EFHC2: variants seen among roughly 807,000 people sequenced by gnomAD.
EFHC2 encodes EF-hand domain containing 2.
Under a neutral mutation model 52.7 loss-of-function variants are expected in EFHC2, and 18 were observed. That is an observed-to-expected ratio of 0.34 (90% CI 0.24 to 0.51). EFHC2 has a LOEUF of 0.51. Among genes scored for constraint, EFHC2 ranks in the 20% least tolerant of loss-of-function variants. The probability of loss-of-function intolerance (pLI) is 0.97; values close to 1 mark genes in which losing one functional copy is unlikely to be tolerated. For missense variants in EFHC2, 513 were observed against 562.5 expected, an observed-to-expected ratio of 0.91 and a Z score of 0.89; for synonymous variants, 203 against 204.1, an observed-to-expected ratio of 0.99 and a Z score of 0.04.
At chrX:44,339,642 T>C (rs777258879) in intron 1 of EFHC2, among the ~76,000 whole-genome samples, 4 of 110,856 alleles carry the variant, frequency 3.6e-5, no homozygotes, top group Admixed American at 1.9e-4. Context: ...TTTTCAATTC[T>C]ATGGAAAAGC....
chrX:44,172,968 C>G (rs867281574), intron 13 of EFHC2, among the ~76,000 whole-genome samples: 2 of 111,101 alleles, frequency 1.8e-5, no homozygotes, highest in Non-Finnish European at 3.8e-5. Context: ...GCTGAGGTAA[C>G]CAGGTACAAA....
chrX:44,187,251 C>A (rs886197763), intron 11 of EFHC2, among the ~76,000 whole-genome samples: 140 of 106,459 alleles, frequency 1.3e-3, no homozygotes, highest in African/African-American at 4.6e-3. Context: ...ACCATACACA[C>A]CCCTGCCACC....
chrX:44,329,024 G>A (rs1388466381), intron 1 of EFHC2, among the ~76,000 whole-genome samples: 1 of 111,223 alleles, frequency 9.0e-6, no homozygotes, highest in African/African-American at 3.3e-5. Flanking sequence ...TGTGCATTTT[G>A]TCCAATTCTT....
rs1482490753 is a variant in EFHC2 at position 44,311,682 on chromosome X, A to G, written c.231+886T>C. 2.7e-5 allele frequency among the ~76,000 whole-genome samples: 3 copies of G among 112,163 alleles called. No homozygotes were observed. In the East Asian group the frequency reaches 8.4e-4, roughly 31 times the overall value. On this transcript the variant is annotated intron_variant, in intron 2 of 14. Transcript: ENST00000420999. Reference sequence around the variant, plus strand: ...CATATGTATATGTGTGTGTATGTGTATAGACATATACATTAAAAAATTCCA... The same window carrying G: ...CATATGTATATGTGTGTGTATGTGTGTAGACATATACATTAAAAAATTCCA...
chrX:44,185,749 G>GC (rs1237187386), intron 11 of EFHC2, among the ~76,000 whole-genome samples: 2 of 110,826 alleles, frequency 1.8e-5, no homozygotes, highest in Admixed American at 9.7e-5. Context: ...TGTTGCCCAG[G>GC]TTGGTCTCCT....
chrX:44,242,520 A>G (rs941958161), intron 7 of EFHC2, among the ~76,000 whole-genome samples: 9 of 110,592 alleles, frequency 8.1e-5, no homozygotes, highest in Middle Eastern at 4.7e-3. Context: ...AAAAAAAAAA[A>G]GAATCTATGT....
At chrX:44,251,190 G>A (rs1256987361) in intron 4 of EFHC2, among the ~76,000 whole-genome samples, 5 of 84,761 alleles carry the variant, frequency 5.9e-5, no homozygotes, top group African/African-American at 2.4e-4. Context: ...AGTGAGCAGA[G>A]ATCGCGCCAC....
chrX:44,308,809 T>C (rs1407475234), intron 2 of EFHC2, among the ~76,000 whole-genome samples: 1 of 112,911 alleles, frequency 8.9e-6, no homozygotes, highest in East Asian at 2.8e-4. Context: ...TTTAGTCACT[T>C]AGTGAATTGT....
chrX:44,149,283 G>A (rs1338142068), intron 14 of EFHC2, among the ~76,000 whole-genome samples: 1 of 111,828 alleles, frequency 8.9e-6, no homozygotes, highest in Non-Finnish European at 1.9e-5. Context: ...AAAAGAACAT[G>A]GCCCAGGATG....
intron 14 of EFHC2, among the ~76,000 whole-genome samples, chrX:44,151,967 G>A (rs1218278556): frequency 2.7e-5 from 3 of 111,584 alleles, no homozygotes; most frequent in Admixed American, 9.5e-5. Context: ...ACTGAAATAT[G>A]AGTCATATAT....
At chrX:44,248,233 AT>A in intron 7 of EFHC2, 38 bp downstream of exon 7, 1 of 1,077,747 alleles carries the variant, frequency 9.3e-7, no homozygotes, top group South Asian at 2.2e-5. Flanking sequence ...AAACAATTTA[AT>A]TTTAAAAATA....
intron 14 of EFHC2, 103 bp from the exon 15 acceptor site, chrX:44,148,999 A>G: frequency 1.5e-6 from 1 of 679,941 alleles, no homozygotes; most frequent in African/African-American, 2.2e-5. Flanking sequence ...TCTACCATCT[A>G]CTTTAGGTTC....
At chrX:44,222,634 T>C (rs980940270) in intron 11 of EFHC2, among the ~76,000 whole-genome samples, 9 of 111,668 alleles carry the variant, frequency 8.1e-5, no homozygotes, top group African/African-American at 2.9e-4. Context: ...AGGTGCTTTG[T>C]CCCTGTTGTC....
chrX:44,183,968 T>C (rs2036854451), intron 11 of EFHC2, among the ~76,000 whole-genome samples: 1 of 112,508 alleles, frequency 8.9e-6, no homozygotes, highest in African/African-American at 3.2e-5. Flanking sequence ...TGTGGTAAAC[T>C]ACTCAACTTC....
At chrX:44,182,667 A>G (rs1569278430) in intron 11 of EFHC2, among the ~76,000 whole-genome samples, 1 of 112,127 alleles carries the variant, frequency 8.9e-6, no homozygotes. Context: ...TTCTTGACCA[A>G]TCATTTCAGG....
At chrX:44,332,483 G>A (rs1430297839) in intron 1 of EFHC2, among the ~76,000 whole-genome samples, 1 of 111,218 alleles carries the variant, frequency 9.0e-6, no homozygotes, top group Non-Finnish European at 1.9e-5. Flanking sequence ...TGAGCACCCA[G>A]GGGCCTGGGT....
At position 44,237,222 on chromosome X, in the gene EFHC2, T is replaced by G. The variant is rs1040389736; in HGVS notation, c.1281-1775A>C. Among the ~76,000 whole-genome samples, 9 of 111,664 alleles carry G rather than the reference T, an allele frequency of 8.1e-5. No individual in the cohort carries two copies. In the Admixed American group the frequency reaches 8.6e-4, roughly 11 times the overall value. ...CTCACATCTCCAGAAACCTGCATTA[T>G]TAATAAGCACCCCAGAAGATTCTGA... On this transcript the variant is annotated intron_variant, in intron 8 of 14. Transcript: ENST00000420999.
rs1407527009 is a variant in EFHC2, at chrX:44,147,976, T to G, written c.*819A>C. 2.7e-5 allele frequency: 3 copies of G among 109,808 alleles called. No individual in the cohort carries two copies. The highest frequency in any genetic ancestry group is 5.7e-5 in the Non-Finnish European group (3 of 52,663). 9.0% of individuals were successfully genotyped at this position (109,808 alleles called of 1,213,427 possible). ...GAACTAGAAAAATGCAGGGGAAAAA[T>G]GTTGTAGTTTCTGAATATTTAAACC... On this transcript the variant is annotated 3_prime_UTR_variant, in exon 15 of 15. Transcript: ENST00000420999.
chrX:44,209,864 C>T (rs980900015), intron 11 of EFHC2, among the ~76,000 whole-genome samples: 6 of 109,848 alleles, frequency 5.5e-5, no homozygotes, highest in Admixed American at 2.0e-4. Flanking sequence ...CAAACCTTTT[C>T]GTGAACTGTG....
Sources: allele counts gnomAD v4.1 joint callset (sites outside exome capture counted in the v4.1 genomes callset), GRCh38; gene constraint gnomAD v4.1.1; transcripts MANE v1.5; gene names NCBI Gene and HGNC (gene_info 2026-07-23, HGNC 2026-07-21).